The following ATP11B variants were observed in gnomAD, a reference collection of about 807,000 sequenced individuals.
The protein encoded by ATP11B is ATPase phospholipid transporting 11B (putative).
A neutral mutation model predicts 157.8 loss-of-function variants in ATP11B; 81 were observed. The ratio of observed to expected loss-of-function variants is 0.51; its 90% CI spans 0.43 to 0.62. ATP11B has a LOEUF of 0.62. ATP11B is among the 20% of genes least tolerant of loss of function. The pLI is 0.00. For synonymous variants in ATP11B, 451 were observed against 469.4 expected, an observed-to-expected ratio of 0.96 and a Z score of 0.51; for missense variants, 1,165 against 1,402.2, an observed-to-expected ratio of 0.83 and a Z score of 2.70.
chr3:182,881,381 C>T (rs1315254160), intron 21 of ATP11B, among the ~76,000 whole-genome samples: 1 of 149,896 alleles, frequency 6.7e-6, no homozygotes, highest in Non-Finnish European at 1.5e-5. Context: ...TTGCAGTGAG[C>T]CGAGGCTGAG....
At chr3:182,850,254 C>T (rs1325170282) in intron 10 of ATP11B, among the ~76,000 whole-genome samples, 1 of 152,202 alleles carries the variant, frequency 6.6e-6, no homozygotes, top group Non-Finnish European at 1.5e-5. Context: ...AGGAGGATCA[C>T]TTGAGGTCAG....
In ATP11B at chr3:182,836,475, G is replaced by A. The variant is rs771467989; in HGVS notation, c.552+5G>A. On this transcript the variant is annotated splice_donor_5th_base_variant and intron_variant, in intron 6 of 29. Coordinates refer to ENST00000323116, the MANE Select transcript of ATP11B (RefSeq NM_014616.3). Reference sequence around the variant, plus strand: ...GACGGAGAAACTAACCTGAAGGTTTGCTTGCATATGTTTGAGTATTGCTCT... The same window carrying A: ...GACGGAGAAACTAACCTGAAGGTTTACTTGCATATGTTTGAGTATTGCTCT... The A allele has an allele frequency of 6.2e-7, 1 of 1,613,828 alleles. No homozygotes were observed. Among genetic ancestry groups the A allele is most frequent in the Non-Finnish European group, 8.5e-7 (1 of 1,179,798 alleles).
chr3:182,822,010 G>T (rs1349243379), intron 2 of ATP11B, among the ~76,000 whole-genome samples: 1 of 151,986 alleles, frequency 6.6e-6, no homozygotes, highest in Non-Finnish European at 1.5e-5. Flanking sequence ...TACCCTTAGT[G>T]CCATCTCTCG....
chr3:182,803,244 G>C (rs1247378210), intron 1 of ATP11B, among the ~76,000 whole-genome samples: 1 of 152,064 alleles, frequency 6.6e-6, no homozygotes, highest in Non-Finnish European at 1.5e-5. Context: ...TTGAAAAAAC[G>C]TACCAGTCTG....
At chr3:182,802,122 T>TG (rs1229908265) in intron 1 of ATP11B, among the ~76,000 whole-genome samples, 1 of 152,218 alleles carries the variant, frequency 6.6e-6, no homozygotes, top group East Asian at 1.9e-4. Context: ...TCTAAGTGTT[T>TG]GGGGAGCAAA....
chr3:182,914,071 A>G (rs1177001286), intron 29 of ATP11B, 77 bp downstream of exon 29: 13 of 1,574,558 alleles, frequency 8.3e-6, no homozygotes, highest in Non-Finnish European at 1.1e-5. Flanking sequence ...CGCTCTAGAT[A>G]CCTAATAAAT....
At chr3:182,912,987 G>A (rs781381128) in intron 28 of ATP11B, among the ~76,000 whole-genome samples, 2 of 152,058 alleles carry the variant, frequency 1.3e-5, no homozygotes, top group Non-Finnish European at 2.9e-5. Flanking sequence ...ATCGAGCTAC[G>A]TGGTCATACC....
chr3:182,861,835 C>T (rs1412597127), intron 12 of ATP11B, among the ~76,000 whole-genome samples: 1 of 151,786 alleles, frequency 6.6e-6, no homozygotes, highest in Non-Finnish European at 1.5e-5. Context: ...AGTACTCTAC[C>T]CAGGAGGCTG....
At chr3:182,887,854 GAAAA>G (rs1337834375) in intron 24 of ATP11B, 141 bp downstream of exon 24, 15 of 907,204 alleles carry the variant, frequency 1.7e-5, no homozygotes, top group Non-Finnish European at 2.2e-5. Flanking sequence ...GAATATCAGA[GAAAA>G]AAAGGTTTCT....
At chr3:182,837,714 T>C (rs964658916) in intron 7 of ATP11B, among the ~76,000 whole-genome samples, 3 of 152,092 alleles carry the variant, frequency 2.0e-5, no homozygotes, top group Non-Finnish European at 2.9e-5. Flanking sequence ...TTCATCTTAT[T>C]ATCTATCACA....
intron 28 of ATP11B, among the ~76,000 whole-genome samples, chr3:182,910,887 A>G (rs899369135): frequency 5.3e-5 from 8 of 152,234 alleles, no homozygotes; most frequent in African/African-American, 1.9e-4. Context: ...ATCTTGAGCC[A>G]GTGCTTTTAC....
intron 29 of ATP11B, chr3:182,915,225 T>A: frequency 1.0e-6 from 1 of 985,380 alleles, no homozygotes; most frequent in Non-Finnish European, 1.2e-6. Context: ...TACAATTGAA[T>A]TTATAAATAG....
intron 1 of ATP11B, among the ~76,000 whole-genome samples, chr3:182,815,389 T>G (rs1716910531): frequency 6.6e-6 from 1 of 152,204 alleles, no homozygotes; most frequent in Non-Finnish European, 1.5e-5. Flanking sequence ...AGGTATAATT[T>G]ATTGAAAGTT....
At chr3:182,817,568 C>T (rs1056984655) in intron 1 of ATP11B, among the ~76,000 whole-genome samples, 2 of 152,118 alleles carry the variant, frequency 1.3e-5, no homozygotes, top group Non-Finnish European at 2.9e-5. Context: ...CATGAGCCAC[C>T]GCCCCCAGCC....
rs1259315727 is a variant in ATP11B, at chr3:182,865,444, C to T, written c.1201-12C>T. On this transcript the variant is annotated splice_polypyrimidine_tract_variant and intron_variant, in intron 12 of 29. Coordinates refer to ENST00000323116, the MANE Select transcript of ATP11B (RefSeq NM_014616.3). ...ACAAAGGTTTATTTTCTTTTGTTTTCTATCTCTATAGGTAGAGTACGTGTT... is the reference window on the plus strand; with the variant it reads ...ACAAAGGTTTATTTTCTTTTGTTTTTTATCTCTATAGGTAGAGTACGTGTT... The T allele has an allele frequency of 6.2e-7, 1 of 1,607,208 alleles. No homozygotes were observed. Among genetic ancestry groups the T allele is most frequent in the African/African-American group, 1.3e-5 (1 of 74,438 alleles).
At chr3:182,804,416 T>G (rs1307368696) in intron 1 of ATP11B, among the ~76,000 whole-genome samples, 1 of 151,996 alleles carries the variant, frequency 6.6e-6, no homozygotes, top group Non-Finnish European at 1.5e-5. Context: ...CGGCTAATTT[T>G]TTGTGTTTTT....
At chr3:182,796,199 A>T (rs1277324776) in intron 1 of ATP11B, among the ~76,000 whole-genome samples, 1 of 152,180 alleles carries the variant, frequency 6.6e-6, no homozygotes, top group African/African-American at 2.4e-5. Flanking sequence ...AAAGATTGGA[A>T]TATCCTTTTT....
chr3:182,843,511 A>G (rs1719217561), intron 8 of ATP11B: 1 of 152,218 alleles, frequency 6.6e-6, no homozygotes, highest in African/African-American at 2.4e-5. Context: ...TGGGGTGTTT[A>G]GTGGTCAATC....
chr3:182,908,085 A>G (rs1724498494), intron 28 of ATP11B, among the ~76,000 whole-genome samples: 2 of 152,240 alleles, frequency 1.3e-5, no homozygotes, highest in East Asian at 3.9e-4. Context: ...TATTTATGTA[A>G]CCAGTAGAAT....
Sources: allele counts gnomAD v4.1 joint callset (sites outside exome capture counted in the v4.1 genomes callset), GRCh38; gene constraint gnomAD v4.1.1; transcripts MANE v1.5; gene names NCBI Gene and HGNC (gene_info 2026-07-23, HGNC 2026-07-21).